Variants in COL5A2 observed in about 807,000 individuals in gnomAD.
COL5A2 encodes collagen alpha-2(V) chain.
Under a neutral mutation model 208.2 loss-of-function variants are expected in COL5A2, and 23 were observed. That is an observed-to-expected ratio of 0.11 (90% CI 0.08 to 0.16). COL5A2 has a LOEUF of 0.16. COL5A2 is among the 10% of genes least tolerant of loss of function. The pLI, the probability that COL5A2 is intolerant of heterozygous loss-of-function variation, is 1.00. For synonymous variants in COL5A2, 625 were observed against 628.5 expected, an observed-to-expected ratio of 0.99 and a Z score of 0.08; for missense variants, 1,590 against 1,956.4, an observed-to-expected ratio of 0.81 and a Z score of 3.53.
chr2:189,271,000 T>C, the COL5A2 span, among the ~76,000 whole-genome samples: 1 of 152,082 alleles, frequency 6.6e-6, no homozygotes, highest in East Asian at 1.9e-4. Context: ...CTCAAGGAAA[T>C]AAGAGAGGAC....
chr2:189,199,019 A>G (rs1024421221), intron 1 of COL5A2, among the ~76,000 whole-genome samples: 4 of 152,090 alleles, frequency 2.6e-5, no homozygotes, highest in African/African-American at 9.7e-5. Flanking sequence ...TTACTAACCT[A>G]AATTTTTAAT....
chr2:189,093,686 T>C (rs1336284036), intron 6 of COL5A2, among the ~76,000 whole-genome samples: 1 of 152,238 alleles, frequency 6.6e-6, no homozygotes, highest in Admixed American at 6.5e-5. Flanking sequence ...AATGATATCT[T>C]AGAAAATTAT....
chr2:189,228,253 A>T (rs557780454), upstream of COL5A2, among the ~76,000 whole-genome samples: 6 of 152,012 alleles, frequency 3.9e-5, no homozygotes, highest in Non-Finnish European at 5.9e-5. Flanking sequence ...GGAAGTAGAA[A>T]TAGAAAAAAA....
At chr2:189,341,804 C>A in the COL5A2 span, among the ~76,000 whole-genome samples, 1 of 152,116 alleles carries the variant, frequency 6.6e-6, no homozygotes. Flanking sequence ...ACTACTTAAT[C>A]AAAGTGAGTA....
At chr2:189,360,786 C>A in the COL5A2 span, among the ~76,000 whole-genome samples, 1 of 152,022 alleles carries the variant, frequency 6.6e-6, no homozygotes, top group East Asian at 1.9e-4. Context: ...ACCCCTCCAA[C>A]AGGCCCCAGT....
At chr2:189,185,969 G>A (rs1265160949) in intron 1 of COL5A2, among the ~76,000 whole-genome samples, 1 of 152,004 alleles carries the variant, frequency 6.6e-6, no homozygotes, top group Non-Finnish European at 1.5e-5. Flanking sequence ...AAATGATTAG[G>A]TGCATCTGTG....
At chr2:189,364,199 A>C in the COL5A2 span, among the ~76,000 whole-genome samples, 21 of 152,346 alleles carry the variant, frequency 1.4e-4, no homozygotes, top group Middle Eastern at 3.4e-3. Flanking sequence ...CAGAATGTCC[A>C]GGTTTCTTGG....
chr2:189,291,699 T>C, the COL5A2 span, among the ~76,000 whole-genome samples: 3 of 152,130 alleles, frequency 2.0e-5, no homozygotes, highest in South Asian at 6.2e-4. Context: ...TCATTTCTCG[T>C]CATCACAGCT....
At chr2:189,251,180 A>T in the COL5A2 span, among the ~76,000 whole-genome samples, 1 of 152,178 alleles carries the variant, frequency 6.6e-6, no homozygotes, top group Non-Finnish European at 1.5e-5. Flanking sequence ...AATTAGAAGG[A>T]TTATAATAAT....
chr2:189,096,894 G>A (rs1430973952), intron 6 of COL5A2, among the ~76,000 whole-genome samples: 1 of 152,086 alleles, frequency 6.6e-6, no homozygotes, highest in East Asian at 1.9e-4. Flanking sequence ...TAAACTTGTT[G>A]TGCAACCACT....
chr2:189,332,669 G>A, the COL5A2 span, among the ~76,000 whole-genome samples: 170 of 152,308 alleles, frequency 1.1e-3, no homozygotes, highest in African/African-American at 3.8e-3. Context: ...CTTCTGCCAT[G>A]ATGATGAGGC....
chr2:189,331,737 T>G, the COL5A2 span, among the ~76,000 whole-genome samples: 1 of 152,042 alleles, frequency 6.6e-6, no homozygotes, highest in Non-Finnish European at 1.5e-5. Flanking sequence ...TATACTAATT[T>G]TAAAAATGGT....
At chr2:189,057,199 A>C (rs570714083) in intron 34 of COL5A2, 121 bp downstream of exon 34, 27 of 1,036,024 alleles carry the variant, frequency 2.6e-5, no homozygotes, top group Non-Finnish European at 3.9e-5. Context: ...AGAAGAATGA[A>C]AAATGAATGA....
chr2:189,226,980 T>C (rs1409045280), upstream of COL5A2, among the ~76,000 whole-genome samples: 5 of 152,072 alleles, frequency 3.3e-5, no homozygotes, highest in Admixed American at 6.6e-5. Context: ...AGCAAAAGAT[T>C]ATGAACTTCT....
intron 50 of COL5A2, 43 bp downstream of exon 50, chr2:189,041,543 T>C (rs774277891): frequency 6.9e-7 from 1 of 1,443,938 alleles, no homozygotes. Flanking sequence ...TCTGAGCTAT[T>C]GAATAAATAG....
intron 1 of COL5A2, among the ~76,000 whole-genome samples, chr2:189,113,485 T>C (rs1687323295): frequency 6.6e-6 from 1 of 151,486 alleles, no homozygotes; most frequent in Admixed American, 6.6e-5. Context: ...GTCCTCAAAA[T>C]ATATATTATT....
chr2:189,200,476 G>A (rs902390077), intron 1 of COL5A2, among the ~76,000 whole-genome samples: 2 of 147,336 alleles, frequency 1.4e-5, no homozygotes, highest in African/African-American at 5.0e-5. Context: ...TAGGTTATAG[G>A]GTAGCTAAGT....
Position 189,035,161 on chromosome 2 carries a change from A to G in COL5A2, c.4114-6T>C, listed in dbSNP as rs1449855862. ...TGGTGGTCTCCATAAGCGAACTAGA[A>G]AAACAAAGAGTCTTTGTCATACACA... On this transcript the variant is annotated splice_region_variant and splice_polypyrimidine_tract_variant and intron_variant, in intron 52 of 53. Coordinates refer to ENST00000374866, the MANE Select transcript of COL5A2 (RefSeq NM_000393.5). The G allele has an allele frequency of 1.2e-6, 2 of 1,613,850 alleles. No homozygotes were observed. Among genetic ancestry groups the G allele is most frequent in the African/African-American group, 1.3e-5 (1 of 75,030 alleles).
chr2:189,129,660 A>G (rs1387946983), intron 1 of COL5A2, among the ~76,000 whole-genome samples: 1 of 152,062 alleles, frequency 6.6e-6, no homozygotes, highest in Non-Finnish European at 1.5e-5. Flanking sequence ...ATCATTTTCA[A>G]ATTAGGAATT....
Sources: allele counts gnomAD v4.1 joint callset (sites outside exome capture counted in the v4.1 genomes callset), GRCh38; gene constraint gnomAD v4.1.1; transcripts MANE v1.5; gene names NCBI Gene and HGNC (gene_info 2026-07-23, HGNC 2026-07-21).